TCTN1: variants seen among roughly 807,000 people sequenced by gnomAD.
TCTN1 encodes tectonic-1.
A neutral mutation model predicts 65.8 loss-of-function variants in TCTN1; 58 were observed. That is an observed-to-expected ratio of 0.88 (90% CI 0.71 to 1.10). The LOEUF (loss-of-function observed/expected upper bound fraction) is 1.10, where lower values mean the gene tolerates loss of function less well. Ranked by LOEUF, TCTN1 falls within the 50% of genes least tolerant of loss-of-function variation. The probability of loss-of-function intolerance (pLI) is 0.00; values close to 1 mark genes in which losing one functional copy is unlikely to be tolerated. For synonymous variants in TCTN1, 273 were observed against 289.1 expected (o/e 0.94, Z 0.57); for missense variants, 645 against 719.4 (o/e 0.90, Z 1.18).
rs866293102 is a variant in TCTN1 at position 110,626,093 on chromosome 12, C to T, written c.342-269C>T. 7.4e-3 allele frequency among the ~76,000 whole-genome samples: 1,031 copies of T among 139,750 alleles called. 1 individual carries two copies. The highest frequency in any genetic ancestry group is 9.9e-3 in the Non-Finnish European group (632 of 63,990). The allele number at this position is 139,750 out of a possible 152,430, so 91.7% of individuals were successfully genotyped here. ...TGCTTTCTTTTTTCTTTCTTTCTTTCTTTTTTTTTTTGTGAGACAGAGTCT... is the reference window on the plus strand; with the variant it reads ...TGCTTTCTTTTTTCTTTCTTTCTTTTTTTTTTTTTTTGTGAGACAGAGTCT... On this transcript the variant is annotated intron_variant, in intron 2 of 14. Coordinates refer to ENST00000397659, the MANE Select transcript of TCTN1 (RefSeq NM_001082538.3).
chr12:110,621,783 T>A (rs1476845118), intron 2 of TCTN1, among the ~76,000 whole-genome samples: 2 of 150,998 alleles, frequency 1.3e-5, no homozygotes, highest in African/African-American at 4.9e-5. Context: ...GGAAGATCTC[T>A]TTTCTCCTTA....
rs767914502 is a variant in TCTN1, at chr12:110,647,307, G to A, written c.1606G>A (p.Ala536Thr). Residue 536 changes from alanine to threonine, a missense_variant, in exon 13 of 15, where the codon GCA (alanine) becomes ACA (threonine). Coordinates refer to ENST00000397659, the MANE Select transcript of TCTN1 (RefSeq NM_001082538.3). Reference sequence around the variant, plus strand: ...ACAGGCCAAAATAGTCAATGTAACTGCAAATCTAATTTCATCCTCCTTTCC... The same window carrying A: ...ACAGGCCAAAATAGTCAATGTAACTACAAATCTAATTTCATCCTCCTTTCC... ...NPQAKIVNVT[A>T]NLISSSFPEA... 1.2e-6 allele frequency: 2 copies of A among 1,614,184 alleles called. No individual in the cohort carries two copies. Among genetic ancestry groups the A allele is most frequent in the South Asian group, 1.1e-5 (1 of 91,088 alleles).
At chr12:110,623,660 A>G (rs1343813550) in intron 2 of TCTN1, among the ~76,000 whole-genome samples, 2 of 152,174 alleles carry the variant, frequency 1.3e-5, no homozygotes, top group African/African-American at 4.8e-5. Flanking sequence ...CAACGATCAT[A>G]GCTCGCTGTA....
At chr12:110,628,356 T>C (rs2065991258) in intron 3 of TCTN1, 3 of 1,040,538 alleles carry the variant, frequency 2.9e-6, no homozygotes, top group Non-Finnish European at 4.1e-6. Context: ...TTTTTTTTTT[T>C]TTGAGATGAA....
intron 3 of TCTN1, chr12:110,627,954 T>G: frequency 7.8e-7 from 1 of 1,274,800 alleles, no homozygotes. Flanking sequence ...TGATTTGTAA[T>G]CTGAAGTGAT....
intron 5 of TCTN1, among the ~76,000 whole-genome samples, chr12:110,633,640 GAA>G (rs796803245): frequency 7.9e-6 from 1 of 126,896 alleles, no homozygotes. Context: ...CTGTCTCAAA[GAA>G]AAAAAAAAAA....
rs1274000393 is a variant in TCTN1 at position 110,640,346 on chromosome 12, T to C, written c.844-37T>C. On this transcript the variant is annotated intron_variant, in intron 7 of 14. Coordinates refer to ENST00000397659, the MANE Select transcript of TCTN1 (RefSeq NM_001082538.3). This position sits in a 1 kb window ranked among gnomAD's most constrained non-coding sequence, Gnocchi z 4.9. ...GTTATTTTAGCCCATCCTCCCTGGG[T>C]AGAGCATCTTCAACACTCCAGGTCT... 1 of 1,614,028 alleles carries C rather than the reference T, an allele frequency of 6.2e-7. No individual in the cohort carries two copies. Among genetic ancestry groups the C allele is most frequent in the East Asian group, 2.2e-5 (1 of 44,882 alleles).
At chr12:110,621,131 A>G (rs1480114403) in intron 2 of TCTN1, among the ~76,000 whole-genome samples, 1 of 152,200 alleles carries the variant, frequency 6.6e-6, no homozygotes, top group Non-Finnish European at 1.5e-5. Flanking sequence ...AACTAGGAGC[A>G]CTTAGAAGAG....
At position 110,619,934 on chromosome 12, in the gene TCTN1, G is replaced by A; in HGVS notation, c.319G>A (p.Ala107Thr). 6.2e-7 allele frequency: 1 copy of A among 1,614,026 alleles called. No homozygotes were observed. Among genetic ancestry groups the A allele is most frequent in the Non-Finnish European group, 8.5e-7 (1 of 1,180,036 alleles). Residue 107 changes from alanine to threonine, a missense_variant, in exon 2 of 15, where the codon GCC becomes ACC. Ala to Thr is a moderately conservative substitution (Grantham distance 58). Coordinates refer to ENST00000397659, the MANE Select transcript of TCTN1 (RefSeq NM_001082538.3). ...CSSVDFSVFS[A>T]CSVPVVTGDS... ...CTCCGTGGATTTCAGTGTCTTTTCT[G>A]CCTGCTCAGTTCCAGTTGTCACGTA...
Position 110,647,614 on chromosome 12 carries a change from C to T in TCTN1, c.1636-135C>T, listed in dbSNP as rs540197019. 3.0e-6 allele frequency: 4 copies of T among 1,352,496 alleles called. No individual in the cohort carries two copies. In the South Asian group the frequency reaches 3.6e-5, roughly 12 times the overall value. The allele number at this position is 1,352,496 out of a possible 1,614,324, so 83.8% of individuals were successfully genotyped here. A position where few individuals can be genotyped will look rare whatever the true frequency, so the allele number is the denominator to read the frequency against. On this transcript the variant is annotated intron_variant, in intron 13 of 14. Transcript: ENST00000397659. ...TTGTTTCTCTCATCCAAGTTAATGG[C>T]CAATTAGTGCTCCAGGACCTATCAG...
chr12:110,642,935 T>C (rs1264430857), intron 11 of TCTN1, among the ~76,000 whole-genome samples: 1 of 152,204 alleles, frequency 6.6e-6, no homozygotes, highest in African/African-American at 2.4e-5. Flanking sequence ...TTTGTATTTT[T>C]AGTAGAGACG....
intron 1 of TCTN1, 90 bp from the exon 2 acceptor site, chr12:110,619,746 G>T (rs2135903360): frequency 6.3e-7 from 1 of 1,595,878 alleles, no homozygotes; most frequent in Non-Finnish European, 8.5e-7. Context: ...TCTTTTTTAT[G>T]AAATTGACTT....
chr12:110,636,241 C>T (rs1315417016), intron 6 of TCTN1: 2 of 459,906 alleles, frequency 4.3e-6, no homozygotes, highest in Non-Finnish European at 8.0e-6. Flanking sequence ...CTGAGACTAG[C>T]TTGGTGAGCT....
intron 1 of TCTN1, among the ~76,000 whole-genome samples, chr12:110,614,797 A>G (rs768010458): frequency 1.6e-4 from 25 of 152,230 alleles, no homozygotes; most frequent in Non-Finnish European, 2.4e-4. Flanking sequence ...CTATCTTACT[A>G]AATGTGACTA....
intron 10 of TCTN1, 66 bp downstream of exon 10, chr12:110,641,693 C>A: frequency 6.7e-7 from 1 of 1,492,766 alleles, no homozygotes; most frequent in South Asian, 1.1e-5. Context: ...CTGCACTGCT[C>A]TTTATCGCTG....
Position 110,614,282 on chromosome 12 carries a change from G to A in TCTN1, c.100G>A (p.Gly34Ser). 6.3e-7 allele frequency: 1 copy of A among 1,597,002 alleles called. No individual in the cohort carries two copies. The highest frequency in any genetic ancestry group is 2.3e-5 in the East Asian group (1 of 44,292). ...TDATPAVTTE[G>S]LNSTEAALAT... ...TGCCACCCCGGCGGTGACGACAGAG[G>A]GCCTCAACTCCACCGAGGCAGCCCT... is the stretch of plus-strand genomic sequence containing the variant. The change falls in exon 1 of 15, where the codon GGC (glycine) becomes AGC (serine). Residue 34 changes from glycine (G) to serine (S), a missense_variant. By Grantham distance (56) the Gly-to-Ser change is moderately conservative. Coordinates refer to ENST00000397659, the MANE Select transcript of TCTN1 (RefSeq NM_001082538.3).
chr12:110,621,125 A>G (rs1200273310), intron 2 of TCTN1, among the ~76,000 whole-genome samples: 1 of 152,194 alleles, frequency 6.6e-6, no homozygotes, highest in East Asian at 1.9e-4. Context: ...TTGAAAAACT[A>G]GGAGCACTTA....
At chr12:110,638,053 G>A (rs187999973) in intron 7 of TCTN1, among the ~76,000 whole-genome samples, 1 of 152,238 alleles carries the variant, frequency 6.6e-6, no homozygotes, top group East Asian at 1.9e-4. Flanking sequence ...TAGGAGGTAG[G>A]TTCAGTTACT....
intron 1 of TCTN1, among the ~76,000 whole-genome samples, chr12:110,615,992 CTG>C (rs2135852524): frequency 6.6e-6 from 1 of 152,178 alleles, no homozygotes; most frequent in African/African-American, 2.4e-5. Context: ...AAACAGAGCT[CTG>C]TTTTATATTT....
Sources: gnomAD v4.1 joint callset for allele counts (sites outside exome capture counted in the v4.1 genomes callset) on GRCh38, gnomAD v4.1.1 for gene constraint, Gnocchi (gnomAD v3.1) non-coding constraint, MANE v1.5 for transcripts, NCBI Gene and HGNC (gene_info 2026-07-23, HGNC 2026-07-21) for gene names.